The following METTL8 variants were observed in gnomAD, a reference collection of about 807,000 sequenced individuals.
METTL8 encodes the protein tRNA N(3)-cytidine methyltransferase METTL8, mitochondrial.
In METTL8, 32 loss-of-function variants were observed where a neutral mutation model predicts 48.7. That is an observed-to-expected ratio of 0.66 (90% CI 0.50 to 0.88). The LOEUF (loss-of-function observed/expected upper bound fraction) is 0.88. Among genes scored for constraint, METTL8 ranks in the 40% least tolerant of loss-of-function variants. The probability of loss-of-function intolerance (pLI) is 0.00; values close to 1 mark genes in which losing one functional copy is unlikely to be tolerated. For missense variants in METTL8, 464 were observed against 474.4 expected (o/e 0.98, Z 0.20); for synonymous variants, 136 against 157.1 (o/e 0.87, Z 1.01).
At chr2:171,423,922 T>C (rs1270568861) in intron 1 of METTL8, among the ~76,000 whole-genome samples, 1 of 152,152 alleles carries the variant, frequency 6.6e-6, no homozygotes, top group African/African-American at 2.4e-5. Context: ...GCCCCTCCCA[T>C]CACAGGCCTA....
intron 9 of METTL8, among the ~76,000 whole-genome samples, 174 bp from the exon 10 acceptor site, chr2:171,324,536 C>T (rs527843294): frequency 6.6e-6 from 1 of 152,236 alleles, no homozygotes; most frequent in East Asian, 1.9e-4. Context: ...TTCTATTTCA[C>T]AAAAATACAC....
intron 2 of METTL8, among the ~76,000 whole-genome samples, chr2:171,372,791 T>C (rs572723724): frequency 6.6e-6 from 1 of 152,330 alleles, no homozygotes; most frequent in South Asian, 2.1e-4. Context: ...GCTTCATCCA[T>C]GTCCCTACAA....
intron 1 of METTL8, among the ~76,000 whole-genome samples, chr2:171,419,588 A>G (rs573111399): frequency 1.3e-5 from 2 of 152,284 alleles, no homozygotes; most frequent in South Asian, 2.1e-4. Flanking sequence ...GTGCTTATGT[A>G]CAGTTCCCAT....
intron 1 of METTL8, among the ~76,000 whole-genome samples, chr2:171,430,304 G>A (rs1045404651): frequency 6.6e-6 from 1 of 151,774 alleles, no homozygotes; most frequent in Non-Finnish European, 1.5e-5. Context: ...GCTGCAGTGA[G>A]CCGAGATAGC....
upstream of METTL8, chr2:171,434,139 G>A: frequency 2.9e-6 from 1 of 346,766 alleles, no homozygotes; most frequent in Non-Finnish European, 5.7e-6. Context: ...AGCCTCCGCG[G>A]GCCGGAGGAG....
rs1342578577 is a variant in METTL8 at position 171,347,148 on chromosome 2, T to C, written c.236-7594A>G. Among the ~76,000 whole-genome samples the C allele has an allele frequency of 2.0e-5, 3 of 152,190 alleles. No homozygotes were observed. In the South Asian group the frequency reaches 6.2e-4, roughly 31 times the overall value. On this transcript the variant is annotated intron_variant, in intron 3 of 9. Transcript: ENST00000375258. ...GACCTAGCAGAAGCCTTTATCTCTT[T>C]GAGTCATTTTGAAATGGAATTTTTT...
chr2:171,344,835 G>A (rs1174455398), intron 3 of METTL8, among the ~76,000 whole-genome samples: 1 of 152,142 alleles, frequency 6.6e-6, no homozygotes, highest in Non-Finnish European at 1.5e-5. Context: ...ATGATTATGA[G>A]ACAACAAACA....
chr2:171,348,243 A>T (rs1334873815), intron 3 of METTL8, among the ~76,000 whole-genome samples: 1 of 152,162 alleles, frequency 6.6e-6, no homozygotes, highest in African/African-American at 2.4e-5. Context: ...ATCAATCTAG[A>T]AACAAAATTC....
chr2:171,430,294 G>A (rs1692862334), intron 1 of METTL8, among the ~76,000 whole-genome samples: 1 of 151,912 alleles, frequency 6.6e-6, no homozygotes, highest in East Asian at 1.9e-4. Flanking sequence ...GGAGGTGGAG[G>A]CTGCAGTGAG....
intron 1 of METTL8, among the ~76,000 whole-genome samples, chr2:171,402,772 G>A (rs1396065182): frequency 6.6e-6 from 1 of 151,956 alleles, no homozygotes; most frequent in African/African-American, 2.4e-5. Context: ...TAGGATTGAG[G>A]CAGAGAATAT....
At chr2:171,365,354 A>C (rs1685605301) in intron 2 of METTL8, among the ~76,000 whole-genome samples, 1 of 152,150 alleles carries the variant, frequency 6.6e-6, no homozygotes. Flanking sequence ...AATGCTATAC[A>C]TCTTATTAAA....
At chr2:171,405,517 A>G (rs1690083634) in intron 1 of METTL8, among the ~76,000 whole-genome samples, 1 of 152,224 alleles carries the variant, frequency 6.6e-6, no homozygotes, top group Non-Finnish European at 1.5e-5. Context: ...TCACTGGAGT[A>G]AAGGAGGTAA....
chr2:171,400,551 C>T (rs1448309443), intron 1 of METTL8, among the ~76,000 whole-genome samples: 3 of 152,172 alleles, frequency 2.0e-5, no homozygotes, highest in Non-Finnish European at 2.9e-5. Flanking sequence ...AAAGCACAGT[C>T]ATTCTCTTAT....
chr2:171,358,115 C>G (rs766433571), intron 3 of METTL8, among the ~76,000 whole-genome samples: 4 of 152,068 alleles, frequency 2.6e-5, no homozygotes, highest in Admixed American at 6.5e-5. Flanking sequence ...CTTTGGGAGG[C>G]AGAGGTGGGC....
chr2:171,330,247 T>G (rs1193925007), intron 7 of METTL8, among the ~76,000 whole-genome samples: 1 of 152,190 alleles, frequency 6.6e-6, no homozygotes, highest in Admixed American at 6.5e-5. Context: ...ATTTCCCTCT[T>G]GGGAGTCTAT....
chr2:171,392,161 T>C lies in METTL8; in HGVS notation c.25A>G (p.Ile9Val), dbSNP rs555507350. 5.8e-6 allele frequency: 9 copies of C among 1,551,560 alleles called. No individual in the cohort carries two copies. In the East Asian group the frequency reaches 1.2e-4, roughly 21 times the overall value. The change falls in exon 2 of 10, where the codon ATT (isoleucine) becomes GTT (valine). Residue 9 changes from isoleucine to valine, a missense_variant. Transcript: ENST00000375258. ...ACCTTTCCTAGCCTTAGACAAGAAATGGAATTTCTCCAAATCATATTCATC... is the reference window on the plus strand; with the variant it reads ...ACCTTTCCTAGCCTTAGACAAGAAACGGAATTTCTCCAAATCATATTCATC... MNMIWRNSISCLRLGKVPH... is the reference protein window; with the variant it reads MNMIWRNSVSCLRLGKVPH...
At chr2:171,385,515 G>T (rs974467627) in intron 2 of METTL8, among the ~76,000 whole-genome samples, 11 of 152,154 alleles carry the variant, frequency 7.2e-5, no homozygotes, top group African/African-American at 2.7e-4. Context: ...ATGTAAAAAA[G>T]GTGTGTGGGA....
intron 1 of METTL8, among the ~76,000 whole-genome samples, chr2:171,402,999 T>C (rs1205784253): frequency 2.0e-5 from 3 of 152,084 alleles, no homozygotes; most frequent in Non-Finnish European, 4.4e-5. Context: ...TATCCATGTA[T>C]CCATACTGAT....
At chr2:171,402,069 TG>T (rs1689701194) in intron 1 of METTL8, among the ~76,000 whole-genome samples, 1 of 152,078 alleles carries the variant, frequency 6.6e-6, no homozygotes, top group Non-Finnish European at 1.5e-5. Flanking sequence ...CACAGAGGAA[TG>T]AAAGATTAAG....
Sources: allele counts gnomAD v4.1 joint callset (sites outside exome capture counted in the v4.1 genomes callset), GRCh38; gene constraint gnomAD v4.1.1; transcripts MANE v1.5; gene names NCBI Gene and HGNC (gene_info 2026-07-23, HGNC 2026-07-21).